Variants in DYNC2H1 observed in about 807,000 individuals in gnomAD.
The protein encoded by DYNC2H1 is cytoplasmic dynein 2 heavy chain 1.
In DYNC2H1, 410 loss-of-function variants were observed where a neutral mutation model predicts 570.0. The observed-to-expected ratio is 0.72, with a 90% CI of 0.66 to 0.78. The LOEUF is 0.78. DYNC2H1 is among the 30% of genes least tolerant of loss of function. The probability of loss-of-function intolerance (pLI) is 0.00; values close to 1 mark genes in which losing one functional copy is unlikely to be tolerated. For synonymous variants in DYNC2H1, 1,688 were observed against 1,677.6 expected (o/e 1.01, Z -0.15); for missense variants, 4,865 against 5,046.4 (o/e 0.96, Z 1.09).
rs1331621524 is a variant in DYNC2H1 at position 103,277,783 on chromosome 11, T to A, written c.10696-2565T>A. Among the ~76,000 whole-genome samples, 1 of 152,182 alleles carries A rather than the reference T, an allele frequency of 6.6e-6. No homozygotes were observed. The highest frequency in any genetic ancestry group is 1.5e-5 in the Non-Finnish European group (1 of 68,032). On this transcript the variant is annotated intron_variant, in intron 70 of 88. Coordinates refer to ENST00000375735, the MANE Select transcript of DYNC2H1 (RefSeq NM_001377.3). The surrounding 1 kb of genome is among the most constrained non-coding windows in gnomAD (Gnocchi z 4.3). The stretch of plus-strand genomic sequence containing the variant: ...CTCCCTGTCAGTCCATTGTTAAAAT[T>A]TATGCCTTAAGTCTGTGCTCGGCAC...
At chr11:103,167,877 A>G (rs1861396354) in intron 31 of DYNC2H1, among the ~76,000 whole-genome samples, 1 of 151,994 alleles carries the variant, frequency 6.6e-6, no homozygotes. Flanking sequence ...TTGCAGTGCT[A>G]TTTCAGTCTG....
rs973503224 is a variant in DYNC2H1, at chr11:103,401,151, T to G, written c.12366+1279T>G. On this transcript the variant is annotated intron_variant, in intron 84 of 88. Transcript: ENST00000375735. ...TACTGTTGTCTCCATTTTACTGTGA[T>G]GAATTTGAGGCAGTGGGGTGTTACA... 2.6e-5 allele frequency among the ~76,000 whole-genome samples: 4 copies of G among 152,340 alleles called. No individual in the cohort carries two copies. In the East Asian group the frequency reaches 7.7e-4, roughly 29 times the overall value.
At chr11:103,184,440 A>G (rs1363477823) in intron 40 of DYNC2H1, among the ~76,000 whole-genome samples, 1 of 151,898 alleles carries the variant, frequency 6.6e-6, no homozygotes, top group Non-Finnish European at 1.5e-5. Context: ...TGAAGTCCAG[A>G]AGTTTCATTT....
Position 103,369,888 on chromosome 11 carries a change from C to G in DYNC2H1, c.12156+11529C>G, listed in dbSNP as rs954961594. ...GGCTTCAGGTGAGACTCAGCACATTCCCAGCTGTGGTGGTTGTGGAGAAAG... is the reference window on the plus strand; with the variant it reads ...GGCTTCAGGTGAGACTCAGCACATTGCCAGCTGTGGTGGTTGTGGAGAAAG... On this transcript the variant is annotated intron_variant, in intron 83 of 88. Coordinates refer to ENST00000375735, the MANE Select transcript of DYNC2H1 (RefSeq NM_001377.3). The surrounding 1 kb of genome is among the most constrained non-coding windows in gnomAD (Gnocchi z 4.0). 2.0e-5 allele frequency among the ~76,000 whole-genome samples: 3 copies of G among 152,164 alleles called. No individual in the cohort carries two copies. Among genetic ancestry groups the G allele is most frequent in the Non-Finnish European group, 4.4e-5 (3 of 68,016 alleles).
Position 103,342,820 on chromosome 11 carries a change from G to C in DYNC2H1, c.12040-15423G>C, listed in dbSNP as rs542709208. On this transcript the variant is annotated intron_variant, in intron 82 of 88. Coordinates refer to ENST00000375735, the MANE Select transcript of DYNC2H1 (RefSeq NM_001377.3). ...CCTTTAAGAGCTGTAACACTGCAAA[G>C]TTCCACAGCTTCATTCTTGAAGTCA... Among the ~76,000 whole-genome samples, 11 of 152,214 alleles carry C rather than the reference G, an allele frequency of 7.2e-5. No individual in the cohort carries two copies. The East Asian group carries it at 2.1e-3, about 29-fold the overall frequency.
chr11:103,341,368 G>A (rs4754918), intron 82 of DYNC2H1, among the ~76,000 whole-genome samples: 32,970 of 151,870 alleles, frequency 0.22, 3,693 homozygotes, highest in Admixed American at 0.31. Flanking sequence ...ATCCTCAGTT[G>A]CAGATTGAGA....
At chr11:103,349,474 C>G (rs532150690) in intron 82 of DYNC2H1, among the ~76,000 whole-genome samples, 1 of 152,148 alleles carries the variant, frequency 6.6e-6, no homozygotes, top group East Asian at 1.9e-4. Context: ...CAGGGTGCGA[C>G]AAAGTATCAT....
At chr11:103,235,137 A>G (rs1207937235) in intron 61 of DYNC2H1, among the ~76,000 whole-genome samples, 2 of 151,928 alleles carry the variant, frequency 1.3e-5, no homozygotes, top group Admixed American at 6.6e-5. Context: ...TGCTTGCTTA[A>G]ATGCTTTCAA....
rs140818305 is a variant in DYNC2H1, at chr11:103,367,962, A to G, written c.12156+9603A>G. ...ACAGAATTTCATTCTTTTTTTTCCT[A>G]TAGCTGAACAGTATTCCATGGTGTA... On this transcript the variant is annotated intron_variant, in intron 83 of 88. Coordinates refer to ENST00000375735, the MANE Select transcript of DYNC2H1 (RefSeq NM_001377.3). Among the ~76,000 whole-genome samples, 403 of 151,980 alleles carry G rather than the reference A, an allele frequency of 2.7e-3. 1 individual carries two copies. Among genetic ancestry groups the G allele is most frequent in the African/African-American group, 9.4e-3 (388 of 41,484 alleles).
At chr11:103,417,692 ATGG>A (rs1344630267) in intron 84 of DYNC2H1, among the ~76,000 whole-genome samples, 1 of 152,020 alleles carries the variant, frequency 6.6e-6, no homozygotes, top group East Asian at 2.0e-4. Flanking sequence ...TCTGACCAAC[ATGG>A]TGAAACCGTG....
chr11:103,109,459 CG>C lies in DYNC2H1; in HGVS notation c.-114del. On this transcript the variant is annotated 5_prime_UTR_variant, in exon 1 of 89. Coordinates refer to ENST00000375735, the MANE Select transcript of DYNC2H1 (RefSeq NM_001377.3). ...TACCCCTGGCAACCGCGAAGCTCTGCGGTCCCGCGGTCGGGCTACGGGTTTG... is the reference window on the plus strand; with the variant it reads ...TACCCCTGGCAACCGCGAAGCTCTGCGTCCCGCGGTCGGGCTACGGGTTTG... 9.9e-7 allele frequency: 1 copy of C among 1,013,056 alleles called. No individual in the cohort carries two copies. Among genetic ancestry groups the C allele is most frequent in the Non-Finnish European group, 1.4e-6 (1 of 715,422 alleles). 62.8% of individuals were successfully genotyped at this position (1,013,056 alleles called of 1,614,324 possible).
At position 103,147,839 on chromosome 11, in the gene DYNC2H1, C is replaced by T; in HGVS notation, c.2770C>T (p.Gln924Ter). The T allele has an allele frequency of 6.2e-7, 1 of 1,611,736 alleles. No individual in the cohort carries two copies. The highest frequency in any genetic ancestry group is 8.5e-7 in the Non-Finnish European group (1 of 1,179,088). Reference sequence around the variant, plus strand: ...GAAGACTGTGATTGATGATCTCATCCAGAAGTTATTTGATCTGCTTGTTCT... The same window carrying T: ...GAAGACTGTGATTGATGATCTCATCTAGAAGTTATTTGATCTGCTTGTTCT... ...PVKTVIDDLI[Q>*]KLFDLLVLSL... The change falls in exon 19 of 89, where the codon CAG becomes TAG. Residue 924 changes from glutamine to a stop codon, truncating the protein, a stop_gained. Transcript: ENST00000375735. LOFTEE classifies it high-confidence loss of function.
chr11:103,444,534 AAAT>A (rs1292226068), intron 85 of DYNC2H1, among the ~76,000 whole-genome samples: 1 of 152,164 alleles, frequency 6.6e-6, no homozygotes, highest in Non-Finnish European at 1.5e-5. Flanking sequence ...GGTAAAAGGC[AAAT>A]AACAGATCCT....
intron 83 of DYNC2H1, among the ~76,000 whole-genome samples, chr11:103,377,825 C>A (rs1941455894): frequency 6.6e-6 from 1 of 152,238 alleles, no homozygotes; most frequent in Non-Finnish European, 1.5e-5. Context: ...TATCCTCCAC[C>A]TCCCAGGTTC....
rs34816989 is a variant in DYNC2H1 at position 103,166,990 on chromosome 11, C to CTTTTTTTTTTTTTTTTTTTT, written c.4762+944_4762+963dup. On this transcript the variant is annotated intron_variant, in intron 31 of 88. Coordinates refer to ENST00000375735, the MANE Select transcript of DYNC2H1 (RefSeq NM_001377.3). Reference sequence around the variant, plus strand: ...TGGGTTTGGATCTCTGAGGCGCTGCCTTTTTTTTTTTTTTTTTTTTTGATT... The same window carrying CTTTTTTTTTTTTTTTTTTTT: ...TGGGTTTGGATCTCTGAGGCGCTGCCTTTTTTTTTTTTTTTTTTTTTTTTTTTTTTTTTTTTTTTTTGATT... 1.4e-3 allele frequency among the ~76,000 whole-genome samples: 80 copies of CTTTTTTTTTTTTTTTTTTTT among 56,972 alleles called. 1 individual carries two copies. Among genetic ancestry groups the CTTTTTTTTTTTTTTTTTTTT allele is most frequent in the South Asian group, 2.0e-3 (2 of 984 alleles). The allele number at this position is 56,972 out of a possible 152,430, so 37.4% of individuals were successfully genotyped here.
chr11:103,262,769 A>T (rs1449136488), intron 70 of DYNC2H1, among the ~76,000 whole-genome samples: 1 of 152,112 alleles, frequency 6.6e-6, no homozygotes, highest in African/African-American at 2.4e-5. Context: ...AAAGACCATC[A>T]ACACTATGAA....
Position 103,177,471 on chromosome 11 carries a change from T to C in DYNC2H1, c.5875-85T>C. The stretch of plus-strand genomic sequence containing the variant: ...AGAAATCAAAGGCTTAATTTACACA[T>C]TAGAACAAGTGTTACAGAATAAAAG... On this transcript the variant is annotated intron_variant, in intron 37 of 88. Coordinates refer to ENST00000375735, the MANE Select transcript of DYNC2H1 (RefSeq NM_001377.3). This position sits in a 1 kb window ranked among gnomAD's most constrained non-coding sequence, Gnocchi z 4.4. 7.2e-7 allele frequency: 1 copy of C among 1,389,746 alleles called. No homozygotes were observed. Among genetic ancestry groups the C allele is most frequent in the Non-Finnish European group, 9.7e-7 (1 of 1,033,704 alleles). 86.1% of individuals were successfully genotyped at this position (1,389,746 alleles called of 1,614,324 possible). A position where few individuals can be genotyped will look rare whatever the true frequency, so the allele number is the denominator to read the frequency against.
intron 17 of DYNC2H1, among the ~76,000 whole-genome samples, chr11:103,140,248 G>C (rs571654382): frequency 1.3e-5 from 2 of 152,106 alleles, no homozygotes; most frequent in Admixed American, 6.6e-5. Flanking sequence ...ATTTGATCCT[G>C]TCATTGTGAT....
intron 85 of DYNC2H1, among the ~76,000 whole-genome samples, chr11:103,450,405 A>G (rs630007): frequency 0.36 from 54,034 of 151,980 alleles, 10,176 homozygotes; most frequent in African/African-American, 0.48. Context: ...AAGTGCGCAC[A>G]GGGTGTTTAC....
Sources: allele counts gnomAD v4.1 joint callset (sites outside exome capture counted in the v4.1 genomes callset), GRCh38; gene constraint gnomAD v4.1.1; non-coding constraint Gnocchi (gnomAD v3.1); transcripts MANE v1.5; gene names NCBI Gene and HGNC (gene_info 2026-07-23, HGNC 2026-07-21).